TPPP2: variants seen among roughly 807,000 people sequenced by gnomAD.
The protein encoded by TPPP2 is tubulin polymerization promoting protein family member 2, also known as tubulin polymerization-promoting protein family member 2.
A neutral mutation model predicts 13.0 loss-of-function variants in TPPP2; 8 were observed. That is an observed-to-expected ratio of 0.62 (90% CI 0.36 to 1.11). TPPP2 has a LOEUF of 1.11. Among genes scored for constraint, TPPP2 ranks in the 50% most tolerant of loss-of-function variants. TPPP2 has a pLI of 0.02. For synonymous variants in TPPP2, 81 were observed against 81.8 expected, an observed-to-expected ratio of 0.99 and a Z score of 0.05; for missense variants, 213 against 216.9, an observed-to-expected ratio of 0.98 and a Z score of 0.11.
rs1883968180 is a variant in TPPP2, at chr14:21,030,232, C to T, written c.-142C>T. 2 of 203,232 alleles carry T rather than the reference C, an allele frequency of 9.8e-6. No homozygotes were observed. The highest frequency in any genetic ancestry group is 5.5e-5 in the Admixed American group (1 of 18,238). The allele number at this position is 203,232 out of a possible 1,614,324, so 12.6% of individuals were successfully genotyped here. A position where few individuals can be genotyped will look rare whatever the true frequency, so the allele number is the denominator to read the frequency against. On this transcript the variant is annotated 5_prime_UTR_variant, in exon 1 of 4. Transcript: ENST00000321760. The stretch of plus-strand genomic sequence containing the variant: ...CTGTCTCCTCATTGCCACAGCCAAC[C>T]GGCTCCCACATATCTGCACACACTT...
At chr14:21,033,380 A>C (rs992865575), downstream of TPPP2, 3 of 269,982 alleles carry the variant, frequency 1.1e-5, no homozygotes, top group East Asian at 1.0e-4. Flanking sequence ...AGTGGAGGGA[A>C]TTATAAGGGA....
chr14:21,031,741 G>A (rs1884180395), intron 3 of TPPP2, 151 bp from the exon 4 acceptor site: 1 of 798,002 alleles, frequency 1.3e-6, no homozygotes, highest in East Asian at 2.7e-5. Context: ...CCTGCCCACA[G>A]CTGTATCTGG....
Position 21,025,066 on chromosome 14 carries a change from T to A in TPPP2, n.236+722T>A, listed in dbSNP as rs1367849694. ...CGGCCGCTTCCACCTTCACTTGCCT[T>A]TGACTCGGGCCCGCCCCGGCTCGGG... is the stretch of plus-strand genomic sequence containing the variant. On this transcript the variant is annotated intron_variant and non_coding_transcript_variant, in intron 1 of 1. Coordinates refer to the TPPP2 transcript ENST00000533755. The surrounding 1 kb of genome is among the most constrained non-coding windows in gnomAD (Gnocchi z 5.1). The A allele has an allele frequency of 3.7e-5, 36 of 986,000 alleles. No homozygotes were observed. The South Asian group carries it at 1.6e-3, about 45-fold the overall frequency. 61.1% of individuals were successfully genotyped at this position (986,000 alleles called of 1,614,324 possible). A position where few individuals can be genotyped will look rare whatever the true frequency, so the allele number is the denominator to read the frequency against.
rs1454864195 is a variant in TPPP2 at position 21,031,913 on chromosome 14, G to A, written c.349G>A (p.Val117Met). The A allele has an allele frequency of 1.2e-6, 2 of 1,614,030 alleles. No individual in the cohort carries two copies. Among genetic ancestry groups the A allele is most frequent in the Non-Finnish European group, 1.7e-6 (2 of 1,180,022 alleles). The change falls in exon 4 of 4, where the codon GTG (valine) becomes ATG (methionine). Residue 117 changes from valine to methionine, a missense_variant. Transcript: ENST00000321760. ...GCAGAAAGCAACAACAGTGGGTGCA[G>A]TGGACCGTTTGACAGACACCAGCAA... ...GATKATTVGA[V>M]DRLTDTSKYT... is the part of the protein sequence containing the mutation.
downstream of TPPP2, chr14:21,035,946 C>A (rs755707917): frequency 2.4e-6 from 1 of 423,182 alleles, no homozygotes; most frequent in South Asian, 1.7e-5. Flanking sequence ...CTGCAGCTTA[C>A]AAACTGCACA....
chr14:21,029,765 A>G (rs1212855029), upstream of TPPP2, among the ~76,000 whole-genome samples: 4 of 152,194 alleles, frequency 2.6e-5, no homozygotes, highest in African/African-American at 9.7e-5. Flanking sequence ...CCCTTCTACC[A>G]TGTGAGGACA....
downstream of TPPP2, chr14:21,033,817 A>G (rs1332609184): frequency 6.3e-7 from 1 of 1,597,624 alleles, no homozygotes; most frequent in Admixed American, 1.7e-5. Flanking sequence ...TGGCTCAGGA[A>G]TTAAATTCCC....
rs758969524 is a variant in TPPP2 at position 21,030,700 on chromosome 14, T to A, written c.119T>A (p.Met40Lys). The change falls in exon 2 of 4, where the codon ATG becomes AAG. Residue 40 changes from methionine (M) to lysine (K), a missense_variant. Physicochemically the swap from Met to Lys is moderately conservative, Grantham distance 95 (BLOSUM62 -1). Coordinates refer to ENST00000321760, the MANE Select transcript of TPPP2 (RefSeq NM_173846.5). ...FSKLCKDCGI[M>K]DGKTVTSTDV... ...AAGCTGTGCAAAGACTGTGGCATCA[T>A]GGATGGCAAGACAGTCACCTCCACG... 1.9e-6 allele frequency: 3 copies of A among 1,614,174 alleles called. No individual in the cohort carries two copies. Among genetic ancestry groups the A allele is most frequent in the Non-Finnish European group, 2.5e-6 (3 of 1,180,022 alleles).
Position 21,024,689 on chromosome 14 carries a change from G to T in TPPP2, n.236+345G>T, listed in dbSNP as rs954262514. On this transcript the variant is annotated intron_variant and non_coding_transcript_variant, in intron 1 of 1. Transcript: ENST00000533755. ...CTCCCCCGACGGCCCGCGAAGGCAAGCGCCATCGGGAAGGGATGGGTAGGA... is the reference window on the plus strand; with the variant it reads ...CTCCCCCGACGGCCCGCGAAGGCAATCGCCATCGGGAAGGGATGGGTAGGA... 7.1e-6 allele frequency: 7 copies of T among 985,342 alleles called. No homozygotes were observed. The African/African-American group carries it at 1.2e-4, about 17-fold the overall frequency. The allele number at this position is 985,342 out of a possible 1,614,324, so 61.0% of individuals were successfully genotyped here.
intron 2 of TPPP2, 40 bp downstream of exon 2, chr14:21,030,794 C>A: frequency 1.2e-6 from 2 of 1,604,628 alleles, no homozygotes; most frequent in Non-Finnish European, 1.7e-6. Context: ...TGAGAAGAAC[C>A]TGCGAGGTAG....
At chr14:21,030,366 T>G in intron 1 of TPPP2, 62 bp downstream of exon 1, 1 of 570,522 alleles carries the variant, frequency 1.8e-6, no homozygotes, top group South Asian at 2.1e-5. Flanking sequence ...CACTGGTATC[T>G]CCAATGCTGG....
chr14:21,030,335 T>A, intron 1 of TPPP2, 31 bp downstream of exon 1: 1 of 490,562 alleles, frequency 2.0e-6, no homozygotes, highest in Non-Finnish European at 3.7e-6. Context: ...AAAGAGAGGA[T>A]CATTCAGTAG....
At position 21,030,530 on chromosome 14, in the gene TPPP2, C is replaced by A. The variant is rs973334441; in HGVS notation, c.-52C>A. 2.5e-6 allele frequency: 4 copies of A among 1,576,140 alleles called. No homozygotes were observed. The African/African-American group carries it at 5.4e-5, about 21-fold the overall frequency. On this transcript the variant is annotated 5_prime_UTR_variant, in exon 2 of 4. Coordinates refer to ENST00000321760, the MANE Select transcript of TPPP2 (RefSeq NM_173846.5). ...CTCCACAGTCCTCCCTCCCCCTTCT[C>A]CTTCACCCCCAAGTGTCTCCCACGA...
intron 2 of TPPP2, 119 bp downstream of exon 2, chr14:21,030,873 C>G: frequency 6.7e-7 from 1 of 1,499,346 alleles, no homozygotes; most frequent in Non-Finnish European, 9.0e-7. Flanking sequence ...GGGTACCTGG[C>G]GCTGTGCTAT....
chr14:21,034,469 G>A (rs1884483021), downstream of TPPP2, among the ~76,000 whole-genome samples: 1 of 152,166 alleles, frequency 6.6e-6, no homozygotes, highest in East Asian at 1.9e-4. Context: ...CAGACAACCA[G>A]CCACCTTCAG....
At chr14:21,027,322 T>A (rs1391339436), upstream of TPPP2, among the ~76,000 whole-genome samples, 1 of 152,226 alleles carries the variant, frequency 6.6e-6, no homozygotes, top group Non-Finnish European at 1.5e-5. Context: ...TACCTTCAAG[T>A]AAGCAACAGT....
At chr14:21,027,279 C>G (rs1461149250), upstream of TPPP2, among the ~76,000 whole-genome samples, 2 of 152,360 alleles carry the variant, frequency 1.3e-5, no homozygotes, top group East Asian at 3.9e-4. Context: ...TCTGTCTAAA[C>G]TCTTTCCCTT....
chr14:21,025,965 AG>A (rs1047979146), upstream of TPPP2: 4 of 153,318 alleles, frequency 2.6e-5, no homozygotes, highest in African/African-American at 7.2e-5. This position sits in a 1 kb window ranked among gnomAD's most constrained non-coding sequence, Gnocchi z 5.1. Flanking sequence ...GGGAGGACGC[AG>A]TGTCCTGGGC....
chr14:21,030,342 G>A (rs1173018651), intron 1 of TPPP2, 38 bp downstream of exon 1: 1 of 513,724 alleles, frequency 1.9e-6, no homozygotes. Flanking sequence ...GGATCATTCA[G>A]TAGGTAGGAT....
Sources: gnomAD v4.1 joint callset for allele counts (sites outside exome capture counted in the v4.1 genomes callset) on GRCh38, gnomAD v4.1.1 for gene constraint, Gnocchi (gnomAD v3.1) non-coding constraint, MANE v1.5 for transcripts, NCBI Gene and HGNC (gene_info 2026-07-23, HGNC 2026-07-21) for gene names.